Variants in ANGPTL3 observed in about 807,000 individuals in gnomAD.
ANGPTL3 encodes angiopoietin like 3.
A neutral mutation model predicts 52.7 loss-of-function variants in ANGPTL3; 51 were observed. That is an observed-to-expected ratio of 0.97 (90% CI 0.77 to 1.22). ANGPTL3 has a LOEUF of 1.22. ANGPTL3 is among the 50% of genes most tolerant of loss of function. The probability of loss-of-function intolerance (pLI) is 0.00; values close to 1 mark genes in which losing one functional copy is unlikely to be tolerated. For synonymous variants in ANGPTL3, 185 were observed against 179.8 expected, an observed-to-expected ratio of 1.03 and a Z score of -0.23; for missense variants, 506 against 520.7, an observed-to-expected ratio of 0.97 and a Z score of 0.27.
chr1:62,600,798 T>C (rs1002693012), intron 2 of ANGPTL3, among the ~76,000 whole-genome samples: 20 of 151,942 alleles, frequency 1.3e-4, no homozygotes, highest in Admixed American at 1.1e-3. Context: ...CATTACAATA[T>C]TCTAAGCAAA....
chr1:62,604,841 T>C lies in ANGPTL3; in HGVS notation c.*24T>C. ...GAACTGAGGCAAATTTAAAAGGCAA[T>C]AATTTAAACATTAACCTCATTCCAA... On this transcript the variant is annotated 3_prime_UTR_variant, in exon 7 of 7. Transcript: ENST00000371129. 6.2e-7 allele frequency: 1 copy of C among 1,600,406 alleles called. No individual in the cohort carries two copies. The highest frequency in any genetic ancestry group is 8.5e-7 in the Non-Finnish European group (1 of 1,171,900).
rs77871363 is a variant in ANGPTL3 at position 62,601,823 on chromosome 1, T to C, written c.776T>C (p.Met259Thr). Residue 259 changes from methionine to threonine, a missense_variant, in exon 4 of 7, where the codon ATG (methionine) becomes ACG (threonine). By Grantham distance (81) the Met-to-Thr change is moderately conservative. Coordinates refer to ENST00000371129, the MANE Select transcript of ANGPTL3 (RefSeq NM_014495.4). ...AACAGAGGTGAACATACAAGTGGCA[T>C]GTATGCCATCAGACCCAGCAACTCT... ...IYNRGEHTSGMYAIRPSNSQV... is the reference protein window; with the variant it reads ...IYNRGEHTSGTYAIRPSNSQV... The C allele has an allele frequency of 2.9e-3, 4,599 of 1,610,354 alleles. 99 individuals are homozygous for C. In the African/African-American group the frequency reaches 0.053, roughly 19 times the overall value.
chr1:62,604,567 G>C, intron 6 of ANGPTL3, 66 bp from the exon 7 acceptor site: 1 of 1,488,938 alleles, frequency 6.7e-7, no homozygotes, highest in Non-Finnish European at 9.4e-7. Context: ...AAACTTACGG[G>C]GAAATACAGT....
Position 62,604,989 on chromosome 1 carries a change from A to G in ANGPTL3, c.*172A>G. 1.6e-6 allele frequency: 1 copy of G among 641,104 alleles called. No homozygotes were observed. The highest frequency in any genetic ancestry group is 2.6e-6 in the Non-Finnish European group (1 of 380,560). The allele number at this position is 641,104 out of a possible 1,614,324, so 39.7% of individuals were successfully genotyped here. A position where few individuals can be genotyped will look rare whatever the true frequency, so the allele number is the denominator to read the frequency against. On this transcript the variant is annotated 3_prime_UTR_variant, in exon 7 of 7. Transcript: ENST00000371129. ...ATACAATCACATAACCTTAAAGAAT[A>G]CCGTTTACATTTCTCAATCAAAATT...
chr1:62,597,798 T>C lies in ANGPTL3; in HGVS notation c.232T>C (p.Phe78Leu). ...TGACATATTTCAAAAACTCAACATA[T>C]TTGATCAGTCTTTTTATGATCTATC... ...INDIFQKLNI[F>L]DQSFYDLSLQ... Residue 78 changes from phenylalanine to leucine, a missense_variant, in exon 1 of 7, where the codon TTT becomes CTT. Transcript: ENST00000371129. 6.2e-7 allele frequency: 1 copy of C among 1,613,508 alleles called. No homozygotes were observed. Among genetic ancestry groups the C allele is most frequent in the Non-Finnish European group, 8.5e-7 (1 of 1,179,674 alleles).
In ANGPTL3 at chr1:62,605,236, C is replaced by A. The variant is rs1204980085; in HGVS notation, c.*419C>A. ...TCTAAACTTGACTAAATACAGAGGA[C>A]TGGTAATTGTACAGTTCTTAAATGT... On this transcript the variant is annotated 3_prime_UTR_variant, in exon 7 of 7. Transcript: ENST00000371129. 5.7e-6 allele frequency: 1 copy of A among 176,228 alleles called. No individual in the cohort carries two copies. Among genetic ancestry groups the A allele is most frequent in the Non-Finnish European group, 1.2e-5 (1 of 82,602 alleles). 10.9% of individuals were successfully genotyped at this position (176,228 alleles called of 1,614,324 possible).
In ANGPTL3 at chr1:62,604,770, T is replaced by A. The variant is rs771131159; in HGVS notation, c.1336T>A (p.Ser446Thr). ...SQNGRLYSIK[S>T]TKMLIHPTDS... ...AAATGGAAGGTTATACTCTATAAAA[T>A]CAACCAAAATGTTGATCCATCCAAC... The change falls in exon 7 of 7, where the codon TCA becomes ACA. Residue 446 changes from serine (S) to threonine (T), a missense_variant. Transcript: ENST00000371129. 1.9e-6 allele frequency: 3 copies of A among 1,612,956 alleles called. No homozygotes were observed. In the Admixed American group the frequency reaches 5.0e-5, roughly 27 times the overall value.
chr1:62,603,395 TA>T (rs1486725493), intron 5 of ANGPTL3, among the ~76,000 whole-genome samples: 1 of 151,776 alleles, frequency 6.6e-6, no homozygotes, highest in Non-Finnish European at 1.5e-5. Flanking sequence ...TTAATTCCAA[TA>T]AAAATAATTT....
In ANGPTL3 at chr1:62,597,766, A is replaced by C. The variant is rs772332226; in HGVS notation, c.200A>C (p.Gln67Pro). ...LKDFVHKTKG[Q>P]INDIFQKLNI... ...GACTTTGTCCATAAGACGAAGGGCC[A>C]AATTAATGACATATTTCAAAAACTC... is the stretch of plus-strand genomic sequence containing the variant. Residue 67 changes from glutamine to proline, a missense_variant, in exon 1 of 7, where the codon CAA (glutamine) becomes CCA (proline). Coordinates refer to ENST00000371129, the MANE Select transcript of ANGPTL3 (RefSeq NM_014495.4). The C allele has an allele frequency of 6.2e-7, 1 of 1,613,596 alleles. No homozygotes were observed.
chr1:62,598,927 GT>G (rs1463290504), intron 2 of ANGPTL3, 121 bp downstream of exon 2: 20 of 684,504 alleles, frequency 2.9e-5, no homozygotes, highest in Non-Finnish European at 3.4e-5. Context: ...CAGCATAACT[GT>G]TAAAATTGCA....
At chr1:62,603,485 C>T (rs1650464651) in intron 5 of ANGPTL3, among the ~76,000 whole-genome samples, 1 of 151,390 alleles carries the variant, frequency 6.6e-6, no homozygotes, top group South Asian at 2.1e-4. Context: ...CTGTCTTTTT[C>T]TACAAAGAAA....
At position 62,597,612 on chromosome 1, in the gene ANGPTL3, T is replaced by C; in HGVS notation, c.46T>C (p.Ser16Pro). The change falls in exon 1 of 7, where the codon TCC becomes CCC. Residue 16 changes from serine to proline, a missense_variant. Ser to Pro is a moderately conservative substitution (Grantham distance 74, BLOSUM62 -1). Transcript: ENST00000371129. ...TCTTTTTATTGTTCCTCTAGTTATT[T>C]CCTCCAGAATTGATCAAGACAATTC... ...LLLFIVPLVI[S>P]SRIDQDNSSF... is the part of the protein sequence containing the mutation. 3 of 1,612,756 alleles carry C rather than the reference T, an allele frequency of 1.9e-6. No homozygotes were observed. The highest frequency in any genetic ancestry group is 2.5e-6 in the Non-Finnish European group (3 of 1,179,262).
In ANGPTL3 at chr1:62,605,852, C is replaced by T. The variant is rs548460697; in HGVS notation, c.*1035C>T. On this transcript the variant is annotated 3_prime_UTR_variant, in exon 7 of 7. Transcript: ENST00000371129. ...CAACAGATCCCTAAATCCCTAAATC[C>T]CTAAAGATTAGATACAAATTTTTTA... The T allele has an allele frequency of 1.3e-5, 2 of 151,902 alleles. No homozygotes were observed. The highest frequency in any genetic ancestry group is 2.4e-5 in the African/African-American group (1 of 41,462). 9.4% of individuals were successfully genotyped at this position (151,902 alleles called of 1,614,324 possible).
intron 4 of ANGPTL3, among the ~76,000 whole-genome samples, 168 bp from the exon 5 acceptor site, chr1:62,602,117 G>A (rs1217507814): frequency 6.6e-6 from 1 of 151,452 alleles, no homozygotes; most frequent in Non-Finnish European, 1.5e-5. Context: ...TTCATTAATT[G>A]CCTTTCACTT....
At position 62,601,078 on chromosome 1, in the gene ANGPTL3, T is replaced by C. The variant is rs112292619; in HGVS notation, c.607-4T>C. 1 of 1,528,784 alleles carries C rather than the reference T, an allele frequency of 6.5e-7. No individual in the cohort carries two copies. The highest frequency in any genetic ancestry group is 1.1e-5 in the South Asian group (1 of 89,210). 94.7% of individuals were successfully genotyped at this position (1,528,784 alleles called of 1,614,324 possible). A position where few individuals can be genotyped will look rare whatever the true frequency, so the allele number is the denominator to read the frequency against. ...TAAAAAACAGATTTATATTCTTTTA[T>C]CAGCTCAGAAGGACTAGTATTCAAG... On this transcript the variant is annotated splice_polypyrimidine_tract_variant and splice_region_variant and intron_variant, in intron 2 of 6. Coordinates refer to ENST00000371129, the MANE Select transcript of ANGPTL3 (RefSeq NM_014495.4).
Position 62,597,584 on chromosome 1 carries a change from CCTT to C in ANGPTL3, c.22_24del (p.Leu8del). 1 of 1,612,706 alleles carries C rather than the reference CCTT, an allele frequency of 6.2e-7. No individual in the cohort carries two copies. Among genetic ancestry groups the C allele is most frequent in the Non-Finnish European group, 8.5e-7 (1 of 1,179,292 alleles). On this transcript the variant is annotated inframe_deletion, in exon 1 of 7. Transcript: ENST00000371129. ...AGATAAAAATGTTCACAATTAAGCT[CCTT>C]CTTTTTATTGTTCCTCTAGTTATTT...
At position 62,602,474 on chromosome 1, in the gene ANGPTL3, C is replaced by T. The variant is rs34364551; in HGVS notation, c.931+94C>T. On this transcript the variant is annotated intron_variant, in intron 5 of 6. Coordinates refer to ENST00000371129, the MANE Select transcript of ANGPTL3 (RefSeq NM_014495.4). ...GACCAGGTATTAGGAAAAGTAGTAA[C>T]GAACGAGAAGCAGTCTCAGCCTTCA... 771 of 1,082,760 alleles carry T rather than the reference C, an allele frequency of 7.1e-4. 10 individuals carry two copies. In the East Asian group the frequency reaches 0.013, roughly 18 times the overall value. 67.1% of individuals were successfully genotyped at this position (1,082,760 alleles called of 1,614,324 possible).
intron 4 of ANGPTL3, 22 bp from the exon 5 acceptor site, chr1:62,602,263 T>A: frequency 6.4e-7 from 1 of 1,562,520 alleles, no homozygotes; most frequent in Non-Finnish European, 8.8e-7. Context: ...TAAAAATACA[T>A]GATTTCATTC....
Position 62,597,919 on chromosome 1 carries a change from T to C in ANGPTL3, c.353T>C (p.Leu118Pro). 2 of 1,554,448 alleles carry C rather than the reference T, an allele frequency of 1.3e-6. 1 individual carries two copies. The highest frequency in any genetic ancestry group is 2.5e-5 in the South Asian group (2 of 79,174). ...VKNEEVKNMS[L>P]ELNSKLESLL... ...AATGAAGAGGTAAAGAATATGTCACTTGAACTCAACTCAAAACTTGAAAGC... is the reference window on the plus strand; with the variant it reads ...AATGAAGAGGTAAAGAATATGTCACCTGAACTCAACTCAAAACTTGAAAGC... The change falls in exon 1 of 7, where the codon CTT becomes CCT. Residue 118 changes from leucine (L) to proline (P), a missense_variant. Leu to Pro is a moderately conservative substitution (Grantham distance 98, BLOSUM62 -3). Coordinates refer to ENST00000371129, the MANE Select transcript of ANGPTL3 (RefSeq NM_014495.4).
Sources: allele counts gnomAD v4.1 joint callset (sites outside exome capture counted in the v4.1 genomes callset), GRCh38; gene constraint gnomAD v4.1.1; transcripts MANE v1.5; gene names NCBI Gene and HGNC (gene_info 2026-07-23, HGNC 2026-07-21).